Variants in QKI observed in about 807,000 individuals in gnomAD.
QKI encodes the protein KH domain-containing RNA-binding protein QKI.
A neutral mutation model predicts 39.0 loss-of-function variants in QKI; 10 were observed. The ratio of observed to expected loss-of-function variants is 0.26; its 90% CI spans 0.16 to 0.43. QKI has a LOEUF of 0.43. Ranked by LOEUF, QKI falls within the 20% of genes least tolerant of loss-of-function variation. QKI has a pLI of 1.00. For synonymous variants in QKI, 204 were observed against 155.4 expected, an observed-to-expected ratio of 1.31 and a Z score of -2.33; for missense variants, 218 against 428.0, an observed-to-expected ratio of 0.51 and a Z score of 4.33.
chr6:163,515,145 C>T (rs1468611884), intron 3 of QKI, among the ~76,000 whole-genome samples: 1 of 152,120 alleles, frequency 6.6e-6, no homozygotes, highest in Non-Finnish European at 1.5e-5. Context: ...AGATGCTTTA[C>T]CTTATTAATA....
At chr6:163,473,358 A>G (rs1411146919) in intron 2 of QKI, among the ~76,000 whole-genome samples, 3 of 152,206 alleles carry the variant, frequency 2.0e-5, no homozygotes, top group African/African-American at 7.2e-5. Flanking sequence ...GCAAGTCACA[A>G]TGCTAGCCTA....
intron 1 of QKI, among the ~76,000 whole-genome samples, chr6:163,422,204 C>T (rs1788047099): frequency 6.6e-6 from 1 of 152,158 alleles, no homozygotes; most frequent in Admixed American, 6.5e-5. Flanking sequence ...ATGTTTTCGT[C>T]TTCAGTTTCT....
intron 4 of QKI, among the ~76,000 whole-genome samples, chr6:163,551,829 A>G (rs958648026): frequency 3.3e-5 from 5 of 152,232 alleles, no homozygotes; most frequent in Admixed American, 1.3e-4. Flanking sequence ...GTTGGAGTGA[A>G]TTAACAATTT....
intron 7 of QKI, chr6:163,569,051 A>C: frequency 2.1e-6 from 2 of 970,350 alleles, no homozygotes; most frequent in Non-Finnish European, 2.5e-6. Flanking sequence ...AGAAACTTTA[A>C]ACAGTTTTAA....
At chr6:163,537,650 A>G (rs745747639) in intron 4 of QKI, among the ~76,000 whole-genome samples, 5 of 152,172 alleles carry the variant, frequency 3.3e-5, no homozygotes, top group Non-Finnish European at 5.9e-5. Flanking sequence ...TTGTTCGTTC[A>G]GTATTCTGTT....
chr6:163,466,917 A>G (rs1456810236), intron 2 of QKI, among the ~76,000 whole-genome samples: 1 of 152,170 alleles, frequency 6.6e-6, no homozygotes, highest in African/African-American at 2.4e-5. Flanking sequence ...CAAAGAAACA[A>G]TCAACAAAAT....
At position 163,565,360 on chromosome 6, in the gene QKI, C is replaced by T. The variant is rs1007251493; in HGVS notation, c.935-1361C>T. 4.1e-6 allele frequency: 4 copies of T among 986,086 alleles called. No individual in the cohort carries two copies. In the East Asian group the frequency reaches 3.4e-4, roughly 84 times the overall value. The allele number at this position is 986,086 out of a possible 1,614,324, so 61.1% of individuals were successfully genotyped here. ...CCTGCAGGGCTGGGGCTCTTAGCCA[C>T]CAGCTGCTGTTCCAGCACTTTCAGC... On this transcript the variant is annotated intron_variant, in intron 6 of 7. Transcript: ENST00000361752.
chr6:163,506,277 A>G (rs988065345), intron 3 of QKI, among the ~76,000 whole-genome samples: 4 of 152,190 alleles, frequency 2.6e-5, no homozygotes, highest in Admixed American at 6.5e-5. Context: ...GATTTTCCCA[A>G]TTGAATTGAC....
chr6:163,566,611 T>G lies in QKI; in HGVS notation c.935-110T>G, dbSNP rs1298577152. ...CTGTGCCTTAACGTGTTTCTTAAAC[T>G]TTTGTAGTAAATGAACATTTGAAAT... On this transcript the variant is annotated intron_variant, in intron 6 of 7. Transcript: ENST00000361752. 2.6e-6 allele frequency: 4 copies of G among 1,542,934 alleles called. No individual in the cohort carries two copies. In the African/African-American group the frequency reaches 5.5e-5, roughly 21 times the overall value.
chr6:163,545,085 G>A (rs1200196465), intron 4 of QKI, among the ~76,000 whole-genome samples: 1 of 152,100 alleles, frequency 6.6e-6, no homozygotes, highest in East Asian at 1.9e-4. Context: ...AATTTCTGCA[G>A]AGCTCCTTGG....
At chr6:163,560,587 A>T (rs944472652) in intron 4 of QKI, among the ~76,000 whole-genome samples, 2 of 152,154 alleles carry the variant, frequency 1.3e-5, no homozygotes, top group South Asian at 4.2e-4. Context: ...ACAGAGATGA[A>T]TGGTGGAGAG....
At chr6:163,488,344 A>G (rs1777813647) in intron 3 of QKI, among the ~76,000 whole-genome samples, 1 of 152,180 alleles carries the variant, frequency 6.6e-6, no homozygotes, top group Non-Finnish European at 1.5e-5. Flanking sequence ...AAAAAGAGAG[A>G]GAGAGAGAAA....
chr6:163,564,419 T>G (rs73023327), intron 6 of QKI: 2 of 1,369,974 alleles, frequency 1.5e-6, no homozygotes, highest in South Asian at 3.4e-5. Flanking sequence ...AATGTTGTTA[T>G]GCAGGCATGA....
chr6:163,562,008 G>A lies in QKI; in HGVS notation c.573G>A (p.Lys191=). Residue 191 remains lysine, a synonymous_variant, in exon 5 of 8, where the codon AAG becomes AAA. Transcript: ENST00000361752. ...PAAEGEDSLK[K]MQLMELAILN... ...CAGAAGGAGAAGACAGCCTGAAGAA[G>A]ATGCAGCTGATGGAGCTTGCGATTC... 1 of 1,613,502 alleles carries A rather than the reference G, an allele frequency of 6.2e-7. No homozygotes were observed.
At chr6:163,555,552 G>A (rs577132738) in intron 4 of QKI, among the ~76,000 whole-genome samples, 156 of 142,376 alleles carry the variant, frequency 1.1e-3, no homozygotes, top group African/African-American at 3.9e-3. Flanking sequence ...GAGAGAAAAC[G>A]ATGATCTGTG....
intron 3 of QKI, among the ~76,000 whole-genome samples, chr6:163,483,539 T>A (rs1208351620): frequency 6.6e-6 from 1 of 152,226 alleles, no homozygotes; most frequent in African/African-American, 2.4e-5. Flanking sequence ...TCACTACAAA[T>A]ACATTTCATC....
chr6:163,470,242 G>A (rs1417179680), intron 2 of QKI, among the ~76,000 whole-genome samples: 4 of 152,072 alleles, frequency 2.6e-5, no homozygotes, highest in African/African-American at 9.7e-5. Context: ...TTGTCTATGT[G>A]AACCTCCCTT....
At chr6:163,463,344 A>C (rs1486794610) in intron 2 of QKI, among the ~76,000 whole-genome samples, 1 of 152,190 alleles carries the variant, frequency 6.6e-6, no homozygotes, top group Non-Finnish European at 1.5e-5. Flanking sequence ...AGTGGTAAGC[A>C]CTGTGCAGTG....
At chr6:163,435,213 G>A (rs138183302) in intron 1 of QKI, among the ~76,000 whole-genome samples, 117 of 152,302 alleles carry the variant, frequency 7.7e-4, no homozygotes, top group African/African-American at 2.6e-3. Context: ...GGTTTTTCCT[G>A]TGAAGGATAG....
Sources: gnomAD v4.1 joint callset for allele counts (sites outside exome capture counted in the v4.1 genomes callset) on GRCh38, gnomAD v4.1.1 for gene constraint, MANE v1.5 for transcripts, NCBI Gene and HGNC (gene_info 2026-07-23, HGNC 2026-07-21) for gene names.